MAPKBP1: variants seen among roughly 807,000 people sequenced by gnomAD.
MAPKBP1 encodes the protein mitogen-activated protein kinase-binding protein 1.
In MAPKBP1, 71 loss-of-function variants were observed where a neutral mutation model predicts 170.5. That is an observed-to-expected ratio of 0.42 (90% CI 0.34 to 0.51). MAPKBP1 has a LOEUF of 0.51. Among genes scored for constraint, MAPKBP1 ranks in the 20% least tolerant of loss-of-function variants. The pLI, the probability that MAPKBP1 is intolerant of heterozygous loss-of-function variation, is 0.06. For missense variants in MAPKBP1, 1,598 were observed against 1,933.0 expected, an observed-to-expected ratio of 0.83 and a Z score of 3.25; for synonymous variants, 719 against 757.9, an observed-to-expected ratio of 0.95 and a Z score of 0.84.
At chr15:41,819,690 G>T in intron 22 of MAPKBP1, 40 bp downstream of exon 22, 1 of 1,577,116 alleles carries the variant, frequency 6.3e-7, no homozygotes. Context: ...AAGGTTAGAG[G>T]AGGCAAAGGG....
chr15:41,813,328 A>AG (rs1567149234), intron 8 of MAPKBP1: 1 of 1,528,626 alleles, frequency 6.5e-7, no homozygotes, highest in South Asian at 1.1e-5. Context: ...TCTTCCGCTC[A>AG]GAACATAGAC....
At chr15:41,819,049 C>T in intron 20 of MAPKBP1, 92 bp downstream of exon 20, 1 of 1,562,960 alleles carries the variant, frequency 6.4e-7, no homozygotes, top group Non-Finnish European at 8.7e-7. Flanking sequence ...GCCTGCCATT[C>T]AGCAACTCTG....
intron 3 of MAPKBP1, among the ~76,000 whole-genome samples, chr15:41,808,068 G>T (rs2064731165): frequency 6.8e-6 from 1 of 147,726 alleles, no homozygotes; most frequent in African/African-American, 2.5e-5. Flanking sequence ...ATCTAAATCT[G>T]TGCACTTTGA....
At chr15:41,823,347 G>A in intron 28 of MAPKBP1, 100 bp from the exon 29 acceptor site, 1 of 1,545,034 alleles carries the variant, frequency 6.5e-7, no homozygotes, top group Non-Finnish European at 8.7e-7. Context: ...GTCCCTTAAT[G>A]GGCATGTGGA....
chr15:41,824,374 T>TG, intron 29 of MAPKBP1, 110 bp from the exon 30 acceptor site: 2 of 1,005,258 alleles, frequency 2.0e-6, no homozygotes, highest in Non-Finnish European at 2.9e-6. Context: ...TGAGGGCAAG[T>TG]GGGGGGTGCA....
At chr15:41,785,862 A>G (rs1708333824) in intron 2 of MAPKBP1, among the ~76,000 whole-genome samples, 1 of 152,192 alleles carries the variant, frequency 6.6e-6, no homozygotes, top group South Asian at 2.1e-4. Context: ...GCATATTCAT[A>G]CCTTTTGATT....
chr15:41,782,034 G>T (rs2064196859), intron 2 of MAPKBP1, among the ~76,000 whole-genome samples: 1 of 150,444 alleles, frequency 6.6e-6, no homozygotes, highest in Admixed American at 6.6e-5. Context: ...GGATCATGAG[G>T]TCAGGAGATC....
At position 41,825,624 on chromosome 15, in the gene MAPKBP1, C is replaced by T; in HGVS notation, c.*188C>T. ...TATTAATTTATTTCCCTGACTGTTG[C>T]CTCACTTCCTTGGAACTCCTGCCTC... is the stretch of plus-strand genomic sequence containing the variant. On this transcript the variant is annotated 3_prime_UTR_variant, in exon 31 of 31. Transcript: ENST00000457542. The T allele has an allele frequency of 1.9e-6, 1 of 533,384 alleles. No homozygotes were observed. The highest frequency in any genetic ancestry group is 3.3e-6 in the Non-Finnish European group (1 of 304,074). 33.0% of individuals were successfully genotyped at this position (533,384 alleles called of 1,614,324 possible). A position where few individuals can be genotyped will look rare whatever the true frequency, so the allele number is the denominator to read the frequency against.
rs373112854 is a variant in MAPKBP1 at position 41,822,684 on chromosome 15, A to T, written c.3314+7A>T. 2 of 1,613,740 alleles carry T rather than the reference A, an allele frequency of 1.2e-6. No homozygotes were observed. Among genetic ancestry groups the T allele is most frequent in the African/African-American group, 2.7e-5 (2 of 74,874 alleles). On this transcript the variant is annotated splice_region_variant and intron_variant, in intron 27 of 30. Transcript: ENST00000457542. Reference sequence around the variant, plus strand: ...TACAGACCCGCCCACTCAGGTACAGAGGCCCCCTACCCCCCAGCAGCAGCT... The same window carrying T: ...TACAGACCCGCCCACTCAGGTACAGTGGCCCCCTACCCCCCAGCAGCAGCT...
intron 2 of MAPKBP1, among the ~76,000 whole-genome samples, chr15:41,784,590 T>C (rs567247695): frequency 2.1e-4 from 32 of 151,792 alleles, no homozygotes; most frequent in African/African-American, 6.8e-4. Flanking sequence ...TAGACCATCC[T>C]GGCCAACATG....
intron 9 of MAPKBP1, 30 bp downstream of exon 9, chr15:41,813,811 T>C: frequency 6.4e-7 from 1 of 1,557,156 alleles, no homozygotes; most frequent in Non-Finnish European, 8.7e-7. Context: ...CTTCCTCCAT[T>C]TGTAGCCTTA....
rs1744767682 is a variant in MAPKBP1, at chr15:41,812,973, A to G, written c.691A>G (p.Asn231Asp). Residue 231 changes from asparagine to aspartate, a missense_variant, in exon 8 of 31, where the codon AAC becomes GAC. By Grantham distance (23) the Asn-to-Asp change is conservative. This residue lies in a region of MAPKBP1 where 430 missense variants were observed against 617.2 expected (regional missense o/e 0.70). Coordinates refer to ENST00000457542, the MANE Select transcript of MAPKBP1 (RefSeq NM_014994.3). The part of the protein sequence containing the change: ...GRSGLLGELR[N>D]NLFTDVACGR... Reference sequence around the variant, plus strand: ...CTCAGGGCTGCTGGGAGAGCTACGGAACAACCTATTCACTGATGTGGCCTG... The same window carrying G: ...CTCAGGGCTGCTGGGAGAGCTACGGGACAACCTATTCACTGATGTGGCCTG... The G allele has an allele frequency of 1.2e-6, 2 of 1,613,674 alleles. No homozygotes were observed. Among genetic ancestry groups the G allele is most frequent in the Admixed American group, 1.7e-5 (1 of 59,968 alleles).
chr15:41,804,528 C>A (rs938295361), intron 3 of MAPKBP1, among the ~76,000 whole-genome samples: 1 of 152,216 alleles, frequency 6.6e-6, no homozygotes, highest in African/African-American at 2.4e-5. Context: ...GCAAAAAAGG[C>A]CTTGGGGTGC....
intron 8 of MAPKBP1, 57 bp from the exon 9 acceptor site, chr15:41,813,564 A>G (rs913527717): frequency 6.3e-7 from 1 of 1,591,696 alleles, no homozygotes. Context: ...ATGGGTGGGG[A>G]GGAGAGAAGA....
At position 41,825,487 on chromosome 15, in the gene MAPKBP1, C is replaced by T. The variant is rs961783125; in HGVS notation, c.*51C>T. 1.2e-5 allele frequency: 17 copies of T among 1,477,374 alleles called. No individual in the cohort carries two copies. In the African/African-American group the frequency reaches 2.4e-4, roughly 21 times the overall value. The allele number at this position is 1,477,374 out of a possible 1,614,324, so 91.5% of individuals were successfully genotyped here. On this transcript the variant is annotated 3_prime_UTR_variant, in exon 31 of 31. Transcript: ENST00000457542. The stretch of plus-strand genomic sequence containing the variant: ...TGAATGCTCCAGCGATTCCAAACTG[C>T]AGCCCCTCTGCCCCTCACCAAAACC...
At chr15:41,821,414 G>T in intron 23 of MAPKBP1, 170 bp from the exon 24 acceptor site, 1 of 654,320 alleles carries the variant, frequency 1.5e-6, no homozygotes, top group Admixed American at 2.8e-5. Context: ...CTGGCTTCTC[G>T]ATGTCTGTCC....
intron 21 of MAPKBP1, 38 bp from the exon 22 acceptor site, chr15:41,819,557 G>GGGGGCCCCC: frequency 7.2e-7 from 1 of 1,384,594 alleles, no homozygotes. Flanking sequence ...CGGGGGGGGG[G>GGGGGCCCCC]CAGGAGACAC....
At chr15:41,808,181 G>A (rs2064736570) in intron 3 of MAPKBP1, among the ~76,000 whole-genome samples, 1 of 126,958 alleles carries the variant, frequency 7.9e-6, no homozygotes, top group Non-Finnish European at 1.6e-5. Flanking sequence ...ATTTTGGCTT[G>A]CTGCAAGCTC....
chr15:41,800,166 C>T (rs2064564476), intron 3 of MAPKBP1, among the ~76,000 whole-genome samples: 1 of 152,192 alleles, frequency 6.6e-6, no homozygotes, highest in Non-Finnish European at 1.5e-5. Context: ...ATGTTACACA[C>T]AGTTCCCAGC....
Sources: allele counts gnomAD v4.1 joint callset (sites outside exome capture counted in the v4.1 genomes callset), GRCh38; gene constraint gnomAD v4.1.1; regional missense constraint gnomAD v4.1.1; transcripts MANE v1.5; gene names NCBI Gene and HGNC (gene_info 2026-07-23, HGNC 2026-07-21).